SLC52A3: variants seen among roughly 807,000 people sequenced by gnomAD.
SLC52A3 encodes solute carrier family 52, riboflavin transporter, member 3.
SLC52A3 carries 20 observed loss-of-function variants against 29.5 expected under a neutral mutation model. The observed-to-expected ratio is 0.68, with a 90% CI of 0.48 to 0.99. The LOEUF is 0.99. Ranked by LOEUF, SLC52A3 falls within the 50% of genes least tolerant of loss-of-function variation. The pLI, the probability that SLC52A3 is intolerant of heterozygous loss-of-function variation, is 0.00. For synonymous variants in SLC52A3, 301 were observed against 271.0 expected (o/e 1.11, Z -1.09); for missense variants, 548 against 612.9 (o/e 0.89, Z 1.12).
intron 4 of SLC52A3, 85 bp from the exon 5 acceptor site, chr20:761,323 G>T (rs1187942874): frequency 1.5e-6 from 2 of 1,367,536 alleles, no homozygotes; most frequent in African/African-American, 2.9e-5. Flanking sequence ...GGGCTCAGGG[G>T]AACCCACGGA....
At chr20:771,333 A>C (rs1986835822), upstream of SLC52A3, among the ~76,000 whole-genome samples, 2 of 152,288 alleles carry the variant, frequency 1.3e-5, no homozygotes, top group South Asian at 2.1e-4. Context: ...AGGCTGAAGC[A>C]GGAGAATTGC....
chr20:773,325 C>G (rs566964890), upstream of SLC52A3, among the ~76,000 whole-genome samples: 1 of 152,310 alleles, frequency 6.6e-6, no homozygotes, highest in East Asian at 1.9e-4. Flanking sequence ...CCTGTCAAAT[C>G]TTGTTCCACA....
upstream of SLC52A3, among the ~76,000 whole-genome samples, chr20:768,852 A>G (rs1986768746): frequency 6.6e-6 from 1 of 152,208 alleles, no homozygotes; most frequent in Non-Finnish European, 1.5e-5. Context: ...CCCAGACAGC[A>G]GTGGCACACC....
chr20:763,876 G>C lies in SLC52A3; in HGVS notation c.695C>G (p.Ala232Gly). 1.2e-6 allele frequency: 2 copies of C among 1,614,154 alleles called. No homozygotes were observed. The highest frequency in any genetic ancestry group is 1.7e-6 in the Non-Finnish European group (2 of 1,180,024). Residue 232 changes from alanine (A) to glycine (G), a missense_variant, in exon 3 of 5, where the codon GCC (alanine) becomes GGC (glycine). Transcript: ENST00000645534. ...GACAAAGAACGCCACGAGGCAGCAG[G>C]CCATCATGATGGATAGGAGGAGGAA... Reference protein sequence around the residue: ...VFFLLLSIMMACCLVAFFVLQ... With the variant: ...VFFLLLSIMMGCCLVAFFVLQ...
chr20:773,531 G>A (rs976484916), intron 1 of SLC52A3, among the ~76,000 whole-genome samples: 4 of 152,134 alleles, frequency 2.6e-5, no homozygotes, highest in Non-Finnish European at 5.9e-5. Context: ...AAGCTGAGCA[G>A]GATCTCTTTC....
At chr20:773,724 G>A (rs943107488) in intron 1 of SLC52A3, among the ~76,000 whole-genome samples, 1 of 152,160 alleles carries the variant, frequency 6.6e-6, no homozygotes, top group East Asian at 1.9e-4. Flanking sequence ...CCCATAATGC[G>A]TGGGCGACAG....
rs760446001 is a variant in SLC52A3 at position 765,631 on chromosome 20, G to A, written c.144C>T (p.Ile48=). ...WYLPSYLTVV[I]QLANIGPLLV... ...GGAGGGGCCCGATGTTGGCCAGCTG[G>A]ATGACCACCGTGAGGTAGGAGGGCA... The change falls in exon 2 of 5, where the codon ATC becomes ATT. Residue 48 remains isoleucine, a synonymous_variant. Coordinates refer to ENST00000645534, the MANE Select transcript of SLC52A3 (RefSeq NM_033409.4). This position sits in a 1 kb window ranked among gnomAD's most constrained non-coding sequence, Gnocchi z 6.6. 8.7e-6 allele frequency: 14 copies of A among 1,607,860 alleles called. No homozygotes were observed. The highest frequency in any genetic ancestry group is 1.6e-4 in the Middle Eastern group (1 of 6,078).
Position 765,303 on chromosome 20 carries a change from C to T in SLC52A3, c.472G>A (p.Ala158Thr). ...CAGGTAGTGAGACCGGAGCCCTGGG[C>T]AAGAGCCACCAGGGCGGGCAAGAGG... ...SGLLPALVAL[A>T]QGSGLTTCVN... is the part of the protein sequence containing the mutation. Residue 158 changes from alanine (A) to threonine (T), a missense_variant, in exon 2 of 5, where the codon GCC becomes ACC. Physicochemically the swap from Ala to Thr is moderately conservative, Grantham distance 58. Coordinates refer to ENST00000645534, the MANE Select transcript of SLC52A3 (RefSeq NM_033409.4). This position sits in a 1 kb window ranked among gnomAD's most constrained non-coding sequence, Gnocchi z 6.6. 6.2e-7 allele frequency: 1 copy of T among 1,614,108 alleles called. No homozygotes were observed. The highest frequency in any genetic ancestry group is 8.5e-7 in the Non-Finnish European group (1 of 1,180,016).
intron 1 of SLC52A3, among the ~76,000 whole-genome samples, chr20:774,238 G>A (rs897928339): frequency 2.6e-5 from 4 of 152,210 alleles, no homozygotes; most frequent in African/African-American, 7.2e-5. Flanking sequence ...CAGCTATGAG[G>A]GTTGTGTTGG....
upstream of SLC52A3, among the ~76,000 whole-genome samples, chr20:769,989 A>T (rs1223491550): frequency 6.6e-6 from 1 of 152,194 alleles, no homozygotes; most frequent in Non-Finnish European, 1.5e-5. Flanking sequence ...TTGTAGCTGC[A>T]CATGGCCATG....
intron 3 of SLC52A3, among the ~76,000 whole-genome samples, chr20:763,150 C>T (rs564077776): frequency 6.6e-6 from 1 of 152,352 alleles, no homozygotes; most frequent in African/African-American, 2.4e-5. Context: ...GCTATCTGCT[C>T]CTCCTCATGG....
chr20:773,446 CAG>C (rs1306084079), upstream of SLC52A3, among the ~76,000 whole-genome samples: 1 of 152,102 alleles, frequency 6.6e-6, no homozygotes, highest in Non-Finnish European at 1.5e-5. Flanking sequence ...GCTTTACATC[CAG>C]GCATGCTTGA....
Position 763,486 on chromosome 20 carries a change from A to G in SLC52A3, c.1073+12T>C. The G allele has an allele frequency of 2.5e-6, 4 of 1,613,856 alleles. No homozygotes were observed. Among genetic ancestry groups the G allele is most frequent in the Non-Finnish European group, 3.4e-6 (4 of 1,179,906 alleles). On this transcript the variant is annotated intron_variant, in intron 3 of 4. Coordinates refer to ENST00000645534, the MANE Select transcript of SLC52A3 (RefSeq NM_033409.4). ...CCCCACTAGGATTCCCTAGGACCAG[A>G]TGAGGGCACACCTGTTAGGCAGGAA...
chr20:764,728 T>C (rs551245414), intron 2 of SLC52A3, among the ~76,000 whole-genome samples: 1 of 152,390 alleles, frequency 6.6e-6, no homozygotes, highest in South Asian at 2.1e-4. Flanking sequence ...TTTTGTAAGA[T>C]AAATTTACAT....
intron 3 of SLC52A3, 144 bp downstream of exon 3, chr20:763,354 G>A: frequency 9.7e-7 from 1 of 1,034,822 alleles, no homozygotes; most frequent in Middle Eastern, 2.2e-4. Context: ...GCTGACAGGT[G>A]GCAGAGCTGG....
In SLC52A3 at chr20:761,258, G is replaced by A. The variant is rs747912169; in HGVS notation, c.1198-20C>T. 6.5e-7 allele frequency: 1 copy of A among 1,541,548 alleles called. No homozygotes were observed. Among genetic ancestry groups the A allele is most frequent in the Admixed American group, 2.0e-5 (1 of 50,892 alleles). ...GGCCACCTGCGGGGCCGGGAGGGAA[G>A]AGGTGCAGAGTCACGGGGCTTGCGG... is the stretch of plus-strand genomic sequence containing the variant. On this transcript the variant is annotated intron_variant, in intron 4 of 4. Coordinates refer to ENST00000645534, the MANE Select transcript of SLC52A3 (RefSeq NM_033409.4).
At chr20:767,376 T>TA in intron 1 of SLC52A3, among the ~76,000 whole-genome samples, 1 of 151,166 alleles carries the variant, frequency 6.6e-6, no homozygotes, top group Non-Finnish European at 1.5e-5. Context: ...TTTTTTCTTG[T>TA]GACAGAGTCT....
chr20:770,085 G>T (rs1466290157), upstream of SLC52A3, among the ~76,000 whole-genome samples: 1 of 151,824 alleles, frequency 6.6e-6, no homozygotes, highest in Non-Finnish European at 1.5e-5. The surrounding 1 kb of genome is among the most constrained non-coding windows in gnomAD (Gnocchi z 4.5). Context: ...AGTGCAGCTC[G>T]TTGCCAGCAC....
At chr20:777,282 A>C (rs574061050), upstream of SLC52A3, among the ~76,000 whole-genome samples, 1 of 151,300 alleles carries the variant, frequency 6.6e-6, no homozygotes, top group South Asian at 2.1e-4. Flanking sequence ...CAAAAAAAAA[A>C]CACCAACTGG....
Sources: allele counts gnomAD v4.1 joint callset (sites outside exome capture counted in the v4.1 genomes callset), GRCh38; gene constraint gnomAD v4.1.1; non-coding constraint Gnocchi (gnomAD v3.1); transcripts MANE v1.5; gene names NCBI Gene and HGNC (gene_info 2026-07-23, HGNC 2026-07-21).